Variants in MMP9 observed in about 807,000 individuals in gnomAD.
MMP9 encodes the protein matrix metallopeptidase 9.
Under a neutral mutation model 76.4 loss-of-function variants are expected in MMP9, and 73 were observed. The observed-to-expected ratio is 0.96, with a 90% confidence interval of 0.79 to 1.16. The LOEUF is 1.16. Ranked by LOEUF, MMP9 falls within the 50% of genes most tolerant of loss-of-function variation. MMP9 has a pLI of 0.00. For synonymous variants in MMP9, 412 were observed against 408.4 expected, an observed-to-expected ratio of 1.01 and a Z score of -0.11; for missense variants, 943 against 973.0, an observed-to-expected ratio of 0.97 and a Z score of 0.41.
intron 2 of MMP9, among the ~76,000 whole-genome samples, 159 bp from the exon 3 acceptor site, chr20:46,010,324 A>AAAAAAAAC (rs1555856957): frequency 5.5e-5 from 6 of 109,548 alleles, no homozygotes; most frequent in African/African-American, 1.8e-4. Flanking sequence ...AAGTAGACAA[A>AAAAAAAAC]AAAAAAAAAA....
Position 46,011,717 on chromosome 20 carries a change from G to A in MMP9, c.967G>A (p.Asp323Asn). Residue 323 changes from aspartate to asparagine, a missense_variant, in exon 6 of 13, where the codon GAC becomes AAC. Asp to Asn is a conservative substitution (Grantham distance 23). Transcript: ENST00000372330. ...WCATTANYDR[D>N]KLFGFCPTRA... Reference sequence around the variant, plus strand: ...CGCCACCACCGCCAACTACGACCGGGACAAGCTCTTCGGCTTCTGCCCGAC... The same window carrying A: ...CGCCACCACCGCCAACTACGACCGGAACAAGCTCTTCGGCTTCTGCCCGAC... 1.9e-6 allele frequency: 3 copies of A among 1,613,468 alleles called. No individual in the cohort carries two copies. The highest frequency in any genetic ancestry group is 2.5e-6 in the Non-Finnish European group (3 of 1,179,976).
chr20:46,010,890 C>A, intron 3 of MMP9, 32 bp from the exon 4 acceptor site: 1 of 1,614,212 alleles, frequency 6.2e-7, no homozygotes, highest in Non-Finnish European at 8.5e-7. Flanking sequence ...CAGTACTCGG[C>A]TAACCCTCTT....
chr20:46,010,333 A>AAAAAAAAAAAAACAAAAAAAAC (rs796972949), intron 2 of MMP9, 150 bp from the exon 3 acceptor site: 2 of 828,818 alleles, frequency 2.4e-6, no homozygotes, highest in Admixed American at 2.7e-5. Flanking sequence ...AAAAAAAAAA[A>AAAAAAAAAAAAACAAAAAAAAC]AAAAAAAACA....
rs771269085 is a variant in MMP9, at chr20:46,008,953, G to T, written c.27G>T (p.Leu9=). 17 of 1,613,946 alleles carry T rather than the reference G, an allele frequency of 1.1e-5. No individual in the cohort carries two copies. The Admixed American group carries it at 2.8e-4, about 27-fold the overall frequency. The change falls in exon 1 of 13, where the codon CTG becomes CTT. Residue 9 remains leucine, a synonymous_variant. Coordinates refer to ENST00000372330, the MANE Select transcript of MMP9 (RefSeq NM_004994.3). The part of the protein sequence containing the change: MSLWQPLV[L]VLLVLGCCFA... ...TGAGCCTCTGGCAGCCCCTGGTCCTGGTGCTCCTGGTGCTGGGCTGCTGCT... is the reference window on the plus strand; with the variant it reads ...TGAGCCTCTGGCAGCCCCTGGTCCTTGTGCTCCTGGTGCTGGGCTGCTGCT...
rs3918251 is a variant in MMP9, at chr20:46,010,142, A to G, written c.371+44A>G. On this transcript the variant is annotated intron_variant, in intron 2 of 12. Transcript: ENST00000372330. ...GGCAGCGGGGTGGGGCGGGGAGGCC[A>G]GGTCTGGCTCTTGGGCCAGCGGTGA... The G allele has an allele frequency of 0.37, 518,619 of 1,403,370 alleles. 104,762 individuals carry two copies. The highest frequency in any genetic ancestry group is 0.65 in the East Asian group (25,728 of 39,806). 86.9% of individuals were successfully genotyped at this position (1,403,370 alleles called of 1,614,324 possible).
chr20:46,012,076 G>A, intron 6 of MMP9, 61 bp from the exon 7 acceptor site: 1 of 1,592,512 alleles, frequency 6.3e-7, no homozygotes, highest in East Asian at 2.2e-5. Context: ...CTGTCGGGTC[G>A]GCCCCTGACT....
chr20:46,014,312 G>A (rs750077249), intron 11 of MMP9, 38 bp downstream of exon 11: 2 of 1,536,444 alleles, frequency 1.3e-6, no homozygotes, highest in South Asian at 1.2e-5. Context: ...GGGAGCCCGG[G>A]CGCCGTCGGT....
At position 46,009,713 on chromosome 20, in the gene MMP9, A is replaced by G. The variant is rs3918250; in HGVS notation, c.139-153A>G. ...TGAGATGGGAGGATCGCTTGAGTCCAGGAGGTCCAGGCTGCAGTGGGCTGA... is the reference window on the plus strand; with the variant it reads ...TGAGATGGGAGGATCGCTTGAGTCCGGGAGGTCCAGGCTGCAGTGGGCTGA... On this transcript the variant is annotated intron_variant, in intron 1 of 12. Transcript: ENST00000372330. Among the ~76,000 whole-genome samples, 2,227 of 152,170 alleles carry G rather than the reference A, an allele frequency of 0.015. 129 individuals are homozygous for G. In the East Asian group the frequency reaches 0.2, roughly 14 times the overall value.
rs749347450 is a variant in MMP9, at chr20:46,010,509, C to T, written c.398C>T (p.Pro133Leu). ...YWIQNYSEDL[P>L]RAVIDDAFAR... ...ATCCAAAACTACTCGGAAGACTTGC[C>T]GCGGGCGGTGATTGACGACGCCTTT... The change falls in exon 3 of 13, where the codon CCG becomes CTG. Residue 133 changes from proline (P) to leucine (L), a missense_variant. By Grantham distance (98) the Pro-to-Leu change is moderately conservative. Coordinates refer to ENST00000372330, the MANE Select transcript of MMP9 (RefSeq NM_004994.3). 3 of 1,614,082 alleles carry T rather than the reference C, an allele frequency of 1.9e-6. No homozygotes were observed. Among genetic ancestry groups the T allele is most frequent in the Admixed American group, 3.3e-5 (2 of 60,014 alleles).
Position 46,009,933 on chromosome 20 carries a change from C to T in MMP9, c.206C>T (p.Pro69Leu), listed in dbSNP as rs1489372682. ...CGTGGAGAGTCGAAATCTCTGGGGC[C>T]TGCGCTGCTGCTTCTCCAGAAGCAA... ...EMRGESKSLG[P>L]ALLLLQKQLS... Residue 69 changes from proline to leucine, a missense_variant, in exon 2 of 13, where the codon CCT (proline) becomes CTT (leucine). Transcript: ENST00000372330. 4 of 1,552,202 alleles carry T rather than the reference C, an allele frequency of 2.6e-6. No homozygotes were observed. The Admixed American group carries it at 7.8e-5, about 30-fold the overall frequency.
chr20:46,013,297 C>T lies in MMP9; in HGVS notation c.1373C>T (p.Thr458Ile), dbSNP rs747221038. The T allele has an allele frequency of 1.2e-6, 2 of 1,614,064 alleles. No homozygotes were observed. Among genetic ancestry groups the T allele is most frequent in the Non-Finnish European group, 1.7e-6 (2 of 1,179,980 alleles). The change falls in exon 9 of 13, where the codon ACA becomes ATA. Residue 458 changes from threonine (T) to isoleucine (I), a missense_variant. Transcript: ENST00000372330. The surrounding 1 kb of genome is among the most constrained non-coding windows in gnomAD (Gnocchi z 4.5). Reference protein sequence around the residue: ...EPEPRPPTTTTPQPTAPPTVC... With the variant: ...EPEPRPPTTTIPQPTAPPTVC... Reference sequence around the variant, plus strand: ...GAGCCACGGCCTCCAACCACCACCACACCGCAGCCCACGGCTCCCCCGACG... The same window carrying T: ...GAGCCACGGCCTCCAACCACCACCATACCGCAGCCCACGGCTCCCCCGACG...
chr20:46,012,612 G>C, intron 8 of MMP9, 30 bp downstream of exon 8: 1 of 1,611,902 alleles, frequency 6.2e-7, no homozygotes, highest in South Asian at 1.1e-5. Flanking sequence ...GGGAGGAGGA[G>C]GGGAAAGGGC....
At position 46,012,560 on chromosome 20, in the gene MMP9, G is replaced by T; in HGVS notation, c.1308G>T (p.Val436=). Residue 436 remains valine (V), a synonymous_variant, in exon 8 of 13, where the codon GTG becomes GTT. Transcript: ENST00000372330. ...GGCCCCCCTTGCATAAGGACGACGT[G>T]AATGGCATCCGGCACCTCTATGGTG... The part of the protein sequence containing the change: ...TEGPPLHKDD[V]NGIRHLYGPR... The T allele has an allele frequency of 6.2e-7, 1 of 1,613,314 alleles. No homozygotes were observed. The highest frequency in any genetic ancestry group is 8.5e-7 in the Non-Finnish European group (1 of 1,179,662).
chr20:46,010,471 C>T lies in MMP9; in HGVS notation c.372-12C>T, dbSNP rs772640053. ...CACTTCTGACCTCCTTCCTCTGGCT[C>T]TTACGCTACAGGATCCAAAACTACT... On this transcript the variant is annotated splice_polypyrimidine_tract_variant and intron_variant, in intron 2 of 12. Transcript: ENST00000372330. 5 of 1,613,976 alleles carry T rather than the reference C, an allele frequency of 3.1e-6. No individual in the cohort carries two copies. In the African/African-American group the frequency reaches 4.0e-5, roughly 13 times the overall value.
At chr20:46,014,092 C>T (rs1310768795) in intron 10 of MMP9, 32 bp from the exon 11 acceptor site, 3 of 1,533,986 alleles carry the variant, frequency 2.0e-6, no homozygotes, top group African/African-American at 2.7e-5. Flanking sequence ...CCCTCTGCGC[C>T]CCCAAACCGA....
intron 1 of MMP9, among the ~76,000 whole-genome samples, chr20:46,009,609 A>G (rs899705067): frequency 2.6e-5 from 4 of 152,110 alleles, no homozygotes; most frequent in African/African-American, 7.2e-5. Flanking sequence ...CAACATAGTA[A>G]GATCCTGTCT....
Position 46,013,765 on chromosome 20 carries a change from G to A in MMP9, c.1719G>A (p.Glu573=). The change falls in exon 10 of 13, where the codon GAG becomes GAA. Residue 573 remains glutamate (E), a synonymous_variant. Transcript: ENST00000372330. This position sits in a 1 kb window ranked among gnomAD's most constrained non-coding sequence, Gnocchi z 4.5. ...GCAAGCTGGACTCGGTCTTTGAGGA[G>A]CGGCTCTCCAAGAAGCTTTTCTTCT... ...LPRKLDSVFE[E]RLSKKLFFFS... 1 of 1,613,562 alleles carries A rather than the reference G, an allele frequency of 6.2e-7. No homozygotes were observed. Among genetic ancestry groups the A allele is most frequent in the Non-Finnish European group, 8.5e-7 (1 of 1,180,008 alleles).
rs762206194 is a variant in MMP9, at chr20:46,010,948, G to A, written c.547G>A (p.Gly183Arg). 3 of 1,614,220 alleles carry A rather than the reference G, an allele frequency of 1.9e-6. No homozygotes were observed. The highest frequency in any genetic ancestry group is 1.7e-6 in the Non-Finnish European group (2 of 1,180,034). The change falls in exon 4 of 13, where the codon GGG (glycine) becomes AGG (arginine). Residue 183 changes from glycine (G) to arginine (R), a missense_variant. Transcript: ENST00000372330. Reference sequence around the variant, plus strand: ...GCACGGAGACGGGTATCCCTTCGACGGGAAGGACGGGCTCCTGGCACACGC... The same window carrying A: ...GCACGGAGACGGGTATCCCTTCGACAGGAAGGACGGGCTCCTGGCACACGC... Reference protein sequence around the residue: ...AEHGDGYPFDGKDGLLAHAFP... With the variant: ...AEHGDGYPFDRKDGLLAHAFP...
chr20:46,015,577 A>G (rs1471004801), intron 12 of MMP9, among the ~76,000 whole-genome samples: 1 of 150,928 alleles, frequency 6.6e-6, no homozygotes, highest in African/African-American at 2.4e-5. Context: ...CAGCCTCCCA[A>G]GTAGCTGGGA....
Sources: allele counts gnomAD v4.1 joint callset (sites outside exome capture counted in the v4.1 genomes callset), GRCh38; gene constraint gnomAD v4.1.1; non-coding constraint Gnocchi (gnomAD v3.1); transcripts MANE v1.5; gene names NCBI Gene and HGNC (gene_info 2026-07-23, HGNC 2026-07-21).